ADGRB3: variants seen among roughly 807,000 people sequenced by gnomAD.
The protein encoded by ADGRB3 is brain-specific angiogenesis inhibitor 3.
In ADGRB3, 37 loss-of-function variants were observed where a neutral mutation model predicts 193.4. That is an observed-to-expected ratio of 0.19 (90% CI 0.15 to 0.25). The LOEUF is 0.25. ADGRB3 is among the 10% of genes least tolerant of loss of function. The pLI, the probability that ADGRB3 is intolerant of heterozygous loss-of-function variation, is 1.00. For synonymous variants in ADGRB3, 690 were observed against 644.2 expected, an observed-to-expected ratio of 1.07 and a Z score of -1.08; for missense variants, 1,637 against 1,852.9, an observed-to-expected ratio of 0.88 and a Z score of 2.14.
At chr6:69,292,365 CTTCCCTTATTTGGAAAATAA>C (rs1179605058) in intron 20 of ADGRB3, among the ~76,000 whole-genome samples, 2 of 152,236 alleles carry the variant, frequency 1.3e-5, no homozygotes, top group Non-Finnish European at 2.9e-5. Flanking sequence ...CCCAATTCTC[CTTCCCTTATTTGGAAAATAA>C]TTGATATATA....
intron 17 of ADGRB3, among the ~76,000 whole-genome samples, chr6:69,134,957 C>T (rs949382052): frequency 6.6e-6 from 1 of 151,784 alleles, no homozygotes; most frequent in East Asian, 1.9e-4. Flanking sequence ...ATATAAGTGT[C>T]ATTTGTGGTA....
intron 8 of ADGRB3, among the ~76,000 whole-genome samples, chr6:68,958,999 C>T (rs1212578261): frequency 2.0e-5 from 3 of 151,916 alleles, no homozygotes; most frequent in African/African-American, 7.2e-5. Flanking sequence ...TTGTGTGTGA[C>T]TGTTAATTTC....
At chr6:68,814,015 C>A (rs811876) in intron 3 of ADGRB3, among the ~76,000 whole-genome samples, 74,162 of 151,890 alleles carry the variant, frequency 0.49, 19,800 homozygotes, top group African/African-American at 0.69. Flanking sequence ...CACAATAAAC[C>A]TACGTGTGCA....
At chr6:68,889,486 C>CT (rs150710780) in intron 3 of ADGRB3, among the ~76,000 whole-genome samples, 4,993 of 140,898 alleles carry the variant, frequency 0.035, 285 homozygotes, top group African/African-American at 0.12. Context: ...ATAAATATTC[C>CT]TTTTTTTTCT....
chr6:69,045,189 A>G (rs887124343), intron 13 of ADGRB3, among the ~76,000 whole-genome samples: 2 of 152,146 alleles, frequency 1.3e-5, no homozygotes, highest in Admixed American at 6.5e-5. Context: ...TGAAGGTCGG[A>G]TTGTTCTAGT....
intron 20 of ADGRB3, among the ~76,000 whole-genome samples, chr6:69,322,717 T>C (rs1216038613): frequency 1.3e-5 from 2 of 152,004 alleles, no homozygotes; most frequent in Non-Finnish European, 1.5e-5. Context: ...TTCAAGATCA[T>C]AGTTTTTGCG....
chr6:68,721,262 G>A (rs1446981632), intron 3 of ADGRB3, among the ~76,000 whole-genome samples: 3 of 151,994 alleles, frequency 2.0e-5, no homozygotes, highest in East Asian at 3.9e-4. Flanking sequence ...TTAAGAAAAT[G>A]TGGCACATAT....
At chr6:69,285,028 A>G (rs1007855446) in intron 20 of ADGRB3, among the ~76,000 whole-genome samples, 1 of 152,256 alleles carries the variant, frequency 6.6e-6, no homozygotes, top group African/African-American at 2.4e-5. Flanking sequence ...AAAAAAACAC[A>G]TAACACCTTT....
chr6:68,726,826 A>C (rs569119739), intron 3 of ADGRB3, among the ~76,000 whole-genome samples: 1 of 151,662 alleles, frequency 6.6e-6, no homozygotes, highest in African/African-American at 2.4e-5. Context: ...ATTATAAAGC[A>C]GACAGGGCAC....
At chr6:68,715,052 GC>G (rs1422072205) in intron 3 of ADGRB3, among the ~76,000 whole-genome samples, 1 of 151,788 alleles carries the variant, frequency 6.6e-6, no homozygotes, top group Non-Finnish European at 1.5e-5. Context: ...ATTAAAAATA[GC>G]TTTGATTCAT....
chr6:69,004,552 A>G (rs1408009997), intron 11 of ADGRB3, among the ~76,000 whole-genome samples: 2 of 135,016 alleles, frequency 1.5e-5, no homozygotes, highest in Admixed American at 7.3e-5. Context: ...TCCTAATGCT[A>G]TCCCTCCCCC....
At chr6:69,360,770 T>C (rs187342930) in intron 28 of ADGRB3, 99 bp from the exon 29 acceptor site, 37 of 1,223,342 alleles carry the variant, frequency 3.0e-5, no homozygotes, top group Non-Finnish European at 3.7e-5. Context: ...CCAAATAATA[T>C]ATCTTTAATG....
intron 20 of ADGRB3, among the ~76,000 whole-genome samples, chr6:69,291,296 A>G: frequency 6.6e-6 from 1 of 152,150 alleles, no homozygotes; most frequent in Non-Finnish European, 1.5e-5. Context: ...GTACTATATG[A>G]CAGCCATGTA....
At position 69,256,316 on chromosome 6, in the gene ADGRB3, T is replaced by C. The variant is rs1766770303; in HGVS notation, c.2814+17090T>C. Reference sequence around the variant, plus strand: ...GGCCGTATGGCCATTTTCATGATATTGATTCTTCCTACCCATGAGCATGGA... The same window carrying C: ...GGCCGTATGGCCATTTTCATGATATCGATTCTTCCTACCCATGAGCATGGA... On this transcript the variant is annotated intron_variant, in intron 20 of 31. Transcript: ENST00000370598. Among the ~76,000 whole-genome samples, 2 of 152,156 alleles carry C rather than the reference T, an allele frequency of 1.3e-5. 1 individual carries two copies. Among genetic ancestry groups the C allele is most frequent in the South Asian group, 4.1e-4 (2 of 4,828 alleles).
intron 3 of ADGRB3, among the ~76,000 whole-genome samples, chr6:68,696,325 G>A (rs1036215851): frequency 2.6e-5 from 4 of 151,290 alleles, no homozygotes; most frequent in Admixed American, 1.3e-4. Flanking sequence ...AGATACAAAG[G>A]CCTATATAAT....
rs559057345 is a variant in ADGRB3 at position 68,783,905 on chromosome 6, G to C, written c.757+144473G>C. ...GGATGGGAGTTTAAATGTTACCTTCGTGTAGTAGATGTACCATCAGCTGCA... is the reference window on the plus strand; with the variant it reads ...GGATGGGAGTTTAAATGTTACCTTCCTGTAGTAGATGTACCATCAGCTGCA... On this transcript the variant is annotated intron_variant, in intron 3 of 31. Transcript: ENST00000370598. Among the ~76,000 whole-genome samples the C allele has an allele frequency of 1.6e-4, 24 of 152,056 alleles. No homozygotes were observed. In the South Asian group the frequency reaches 4.8e-3, roughly 30 times the overall value.
intron 20 of ADGRB3, among the ~76,000 whole-genome samples, chr6:69,313,179 A>G (rs1344248452): frequency 6.6e-6 from 1 of 151,884 alleles, no homozygotes; most frequent in African/African-American, 2.4e-5. Context: ...TAGCAATTCT[A>G]TGCTTGGGCT....
intron 3 of ADGRB3, among the ~76,000 whole-genome samples, chr6:68,713,720 G>A (rs1456989494): frequency 2.0e-5 from 3 of 151,234 alleles, no homozygotes; most frequent in Middle Eastern, 3.4e-3. Context: ...CAACAGTAGC[G>A]AAGTATAACT....
chr6:68,953,130 G>C (rs759279740), intron 6 of ADGRB3, among the ~76,000 whole-genome samples: 7 of 151,988 alleles, frequency 4.6e-5, no homozygotes, highest in Non-Finnish European at 1.0e-4. Context: ...TCTTCTCTCT[G>C]ATTTCGACAT....
Sources: allele counts gnomAD v4.1 joint callset (sites outside exome capture counted in the v4.1 genomes callset), GRCh38; gene constraint gnomAD v4.1.1; transcripts MANE v1.5; gene names NCBI Gene and HGNC (gene_info 2026-07-23, HGNC 2026-07-21).